SLC44A1: variants seen among roughly 807,000 people sequenced by gnomAD.
SLC44A1 encodes choline transporter-like protein 1.
A neutral mutation model predicts 79.3 loss-of-function variants in SLC44A1; 26 were observed. That is an observed-to-expected ratio of 0.33 (90% confidence interval 0.24 to 0.46). The LOEUF is 0.46. Among genes scored for constraint, SLC44A1 ranks in the 20% least tolerant of loss-of-function variants. SLC44A1 has a pLI of 1.00. For synonymous variants in SLC44A1, 263 were observed against 286.2 expected, an observed-to-expected ratio of 0.92 and a Z score of 0.82; for missense variants, 688 against 798.1, an observed-to-expected ratio of 0.86 and a Z score of 1.66.
In SLC44A1 at chr9:105,365,336, T is replaced by C. The variant is rs778044503; in HGVS notation, c.1254-147T>C. On this transcript the variant is annotated intron_variant, in intron 10 of 15. Coordinates refer to ENST00000374720, the MANE Select transcript of SLC44A1 (RefSeq NM_080546.5). Reference sequence around the variant, plus strand: ...ATGTCTGTAGCATTTGTAATAGTTATATATCACTTGGCCATTTTGTCATAA... The same window carrying C: ...ATGTCTGTAGCATTTGTAATAGTTACATATCACTTGGCCATTTTGTCATAA... 4.9e-5 allele frequency: 30 copies of C among 607,004 alleles called. No homozygotes were observed. The Middle Eastern group carries it at 1.3e-3, about 27-fold the overall frequency. The allele number at this position is 607,004 out of a possible 1,614,324, so 37.6% of individuals were successfully genotyped here.
intron 4 of SLC44A1, 55 bp downstream of exon 4, chr9:105,335,754 A>G (rs2131359740): frequency 6.5e-7 from 1 of 1,533,422 alleles, no homozygotes; most frequent in South Asian, 1.2e-5. Flanking sequence ...TCTTTGTTAA[A>G]TATAAATTTG....
intron 7 of SLC44A1, among the ~76,000 whole-genome samples, chr9:105,358,887 GT>G (rs1248635480): frequency 1.3e-5 from 2 of 151,986 alleles, no homozygotes; most frequent in African/African-American, 2.4e-5. Flanking sequence ...TTCCACAGTT[GT>G]TTTCAGAAAA....
chr9:105,425,082 G>A (rs1829303449), intron 15 of SLC44A1, among the ~76,000 whole-genome samples: 2 of 151,994 alleles, frequency 1.3e-5, no homozygotes, highest in African/African-American at 4.8e-5. Context: ...TATGTATGTA[G>A]TATATATTCA....
At chr9:105,427,233 T>G (rs1212690358) in intron 15 of SLC44A1, among the ~76,000 whole-genome samples, 1 of 152,016 alleles carries the variant, frequency 6.6e-6, no homozygotes, top group Non-Finnish European at 1.5e-5. Flanking sequence ...GCACCTGGCC[T>G]ATCTTCTCTT....
chr9:105,358,497 T>C, intron 7 of SLC44A1, 64 bp downstream of exon 7: 1 of 848,994 alleles, frequency 1.2e-6, no homozygotes, highest in South Asian at 1.5e-5. Context: ...AAAATAGAAA[T>C]ATAAAGAAGA....
At chr9:105,278,579 C>T (rs963107482) in intron 1 of SLC44A1, among the ~76,000 whole-genome samples, 14 of 152,090 alleles carry the variant, frequency 9.2e-5, no homozygotes, top group Non-Finnish European at 1.6e-4. Flanking sequence ...CTGGGTTTCA[C>T]TATGTTGGCC....
chr9:105,297,458 A>G (rs1455465550), intron 1 of SLC44A1, among the ~76,000 whole-genome samples: 3 of 152,134 alleles, frequency 2.0e-5, no homozygotes, highest in Non-Finnish European at 2.9e-5. Context: ...ATTTTGGCTT[A>G]CCACAACCTC....
rs1320544105 is a variant in SLC44A1, at chr9:105,276,064, C to T, written c.37-23156C>T. Among the ~76,000 whole-genome samples, 3 of 152,052 alleles carry T rather than the reference C, an allele frequency of 2.0e-5. 1 individual carries two copies. Among genetic ancestry groups the T allele is most frequent in the African/African-American group, 7.2e-5 (3 of 41,380 alleles). Reference sequence around the variant, plus strand: ...CAGGTGATCCGCCCACCTCGGTCTCCCAAAGTGCTGGGATTACAGGTGTGA... The same window carrying T: ...CAGGTGATCCGCCCACCTCGGTCTCTCAAAGTGCTGGGATTACAGGTGTGA... On this transcript the variant is annotated intron_variant, in intron 1 of 15. Coordinates refer to ENST00000374720, the MANE Select transcript of SLC44A1 (RefSeq NM_080546.5).
chr9:105,336,836 T>C (rs1028221931), intron 4 of SLC44A1, among the ~76,000 whole-genome samples: 17 of 152,184 alleles, frequency 1.1e-4, no homozygotes, highest in Non-Finnish European at 2.9e-5. Flanking sequence ...ATGGGTTGAT[T>C]TGGGTCTGGA....
chr9:105,306,339 T>C (rs763961611), intron 2 of SLC44A1, among the ~76,000 whole-genome samples: 2 of 152,224 alleles, frequency 1.3e-5, no homozygotes, highest in Non-Finnish European at 2.9e-5. Context: ...GTAAAGTTTC[T>C]CTCACCCCAC....
rs771467103 is a variant in SLC44A1, at chr9:105,363,001, A to G, written c.1081A>G (p.Thr361Ala). 6.2e-7 allele frequency: 1 copy of G among 1,602,482 alleles called. No individual in the cohort carries two copies. ...YWIMTLLFLGTTGSPVQNEQG... is the reference protein window; with the variant it reads ...YWIMTLLFLGATGSPVQNEQG... The stretch of plus-strand genomic sequence containing the variant: ...GATCATGACACTTCTTTTTCTTGGC[A>G]CTACCGGTAAGAAGATAAGCTTCTT... Residue 361 changes from threonine (T) to alanine (A), a missense_variant, in exon 9 of 16, where the codon ACT becomes GCT. Transcript: ENST00000374720.
At chr9:105,398,377 C>T (rs377358904), downstream of SLC44A1, among the ~76,000 whole-genome samples, 2 of 152,146 alleles carry the variant, frequency 1.3e-5, no homozygotes. Context: ...ACAGAATAAT[C>T]GTGAGGAGTC....
chr9:105,337,181 T>C (rs1174256973), intron 4 of SLC44A1, among the ~76,000 whole-genome samples: 7 of 152,090 alleles, frequency 4.6e-5, no homozygotes, highest in African/African-American at 9.7e-5. Context: ...TTTTAGACAA[T>C]GTGAGTATAC....
Position 105,391,263 on chromosome 9 carries a change from G to C in SLC44A1, c.*2207G>C, listed in dbSNP as rs947504419. 19 of 985,780 alleles carry C rather than the reference G, an allele frequency of 1.9e-5. No homozygotes were observed. The highest frequency in any genetic ancestry group is 2.2e-5 in the Non-Finnish European group (18 of 829,900). 61.1% of individuals were successfully genotyped at this position (985,780 alleles called of 1,614,324 possible). ...ATATGCTCGCAATCTCAGCTATTTG[G>C]AAGCTACCAGGAATGCTTTCTAATT... On this transcript the variant is annotated 3_prime_UTR_variant, in exon 16 of 16. Transcript: ENST00000374720.
intron 15 of SLC44A1, chr9:105,386,100 T>A: frequency 1.0e-6 from 1 of 985,038 alleles, no homozygotes; most frequent in Non-Finnish European, 1.2e-6. Context: ...AATCTAGTCT[T>A]CTCCCAGTTT....
chr9:105,265,545 G>A (rs575090602), intron 1 of SLC44A1, among the ~76,000 whole-genome samples: 1 of 152,148 alleles, frequency 6.6e-6, no homozygotes, highest in Non-Finnish European at 1.5e-5. Context: ...AGAACACGGG[G>A]TTGTTTCCAG....
intron 4 of SLC44A1, among the ~76,000 whole-genome samples, chr9:105,346,687 T>G (rs1000323058): frequency 5.3e-5 from 8 of 152,142 alleles, no homozygotes; most frequent in African/African-American, 1.9e-4. Context: ...TGGCATTATA[T>G]TCAAGTATGA....
intron 1 of SLC44A1, among the ~76,000 whole-genome samples, chr9:105,256,368 A>G (rs1829706159): frequency 2.0e-5 from 3 of 152,038 alleles, no homozygotes; most frequent in Admixed American, 6.6e-5. Flanking sequence ...TAAGAGTTAG[A>G]TCCAGCTGCA....
intron 15 of SLC44A1, among the ~76,000 whole-genome samples, chr9:105,407,925 G>C (rs887588316): frequency 6.6e-6 from 1 of 151,578 alleles, no homozygotes; most frequent in African/African-American, 2.4e-5. Context: ...CCAGCACTTT[G>C]AGAGGCCGAG....
Sources: gnomAD v4.1 joint callset for allele counts (sites outside exome capture counted in the v4.1 genomes callset) on GRCh38, gnomAD v4.1.1 for gene constraint, MANE v1.5 for transcripts, NCBI Gene and HGNC (gene_info 2026-07-23, HGNC 2026-07-21) for gene names.